The following SASH1 variants were observed in gnomAD, a reference collection of about 807,000 sequenced individuals.
SASH1 encodes the protein SAM and SH3 domain-containing protein 1.
In SASH1, 44 loss-of-function variants were observed where a neutral mutation model predicts 125.2. That is an observed-to-expected ratio of 0.35 (90% confidence interval 0.28 to 0.45). The LOEUF (loss-of-function observed/expected upper bound fraction) is 0.45. Among genes scored for constraint, SASH1 ranks in the 20% least tolerant of loss-of-function variants. The pLI is 1.00. For missense variants in SASH1, 1,426 were observed against 1,614.5 expected (o/e 0.88, Z 2.00); for synonymous variants, 639 against 649.1 (o/e 0.98, Z 0.24).
At chr6:148,275,030 G>A (rs1391724126) in intron 1 of SASH1, among the ~76,000 whole-genome samples, 1 of 152,104 alleles carries the variant, frequency 6.6e-6, no homozygotes, top group Non-Finnish European at 1.5e-5. Flanking sequence ...AGAACTCGTG[G>A]CTCTTCAGAA....
intron 19 of SASH1, among the ~76,000 whole-genome samples, chr6:148,546,389 C>T (rs1044185470): frequency 6.6e-6 from 1 of 152,160 alleles, no homozygotes; most frequent in Non-Finnish European, 1.5e-5. Flanking sequence ...CCGTCTAGTG[C>T]TGGGCGTGAT....
At chr6:148,501,303 C>T (rs1014295649) in intron 8 of SASH1, among the ~76,000 whole-genome samples, 5 of 152,180 alleles carry the variant, frequency 3.3e-5, no homozygotes, top group African/African-American at 9.7e-5. Context: ...AGTAATGTGA[C>T]TTTGCAAACA....
At chr6:148,423,737 CA>C (rs1304349248) in intron 2 of SASH1, among the ~76,000 whole-genome samples, 4 of 152,178 alleles carry the variant, frequency 2.6e-5, no homozygotes, top group Non-Finnish European at 5.9e-5. Context: ...CAGTACCCAG[CA>C]CGTCAACTGA....
At chr6:148,281,926 A>C (rs1165132826) in intron 1 of SASH1, among the ~76,000 whole-genome samples, 1 of 152,070 alleles carries the variant, frequency 6.6e-6, no homozygotes, top group Admixed American at 6.6e-5. Flanking sequence ...CGTCTCAAAA[A>C]AAAAAAAGGA....
chr6:148,287,492 A>G (rs1779512009), intron 1 of SASH1, among the ~76,000 whole-genome samples: 1 of 152,146 alleles, frequency 6.6e-6, no homozygotes, highest in South Asian at 2.1e-4. Context: ...CTCCCCGGTA[A>G]CATCCATCAG....
chr6:148,490,013 T>TAAAAAAAAAA (rs57304766), intron 8 of SASH1, among the ~76,000 whole-genome samples: 5 of 124,944 alleles, frequency 4.0e-5, no homozygotes, highest in Non-Finnish European at 8.2e-5. Flanking sequence ...ATCCTGTCTT[T>TAAAAAAAAAA]AAAAAAAAAA....
At chr6:148,421,205 GA>G (rs1332402528) in intron 2 of SASH1, among the ~76,000 whole-genome samples, 3 of 138,934 alleles carry the variant, frequency 2.2e-5, no homozygotes, top group Non-Finnish European at 4.9e-5. Flanking sequence ...AAGAAAGAAA[GA>G]AAGAAAGAAA....
At chr6:148,355,023 T>C (rs1781875333) in intron 1 of SASH1, among the ~76,000 whole-genome samples, 1 of 152,146 alleles carries the variant, frequency 6.6e-6, no homozygotes, top group Admixed American at 6.5e-5. Context: ...CCTCCCAAAG[T>C]GCTGGGATTA....
At chr6:148,407,050 TA>T (rs576933424) in intron 2 of SASH1, among the ~76,000 whole-genome samples, 4 of 152,128 alleles carry the variant, frequency 2.6e-5, no homozygotes, top group African/African-American at 9.7e-5. Context: ...TTTAGTTTTT[TA>T]AAAAAAATTA....
intron 12 of SASH1, among the ~76,000 whole-genome samples, chr6:148,531,302 G>A (rs1227732191): frequency 1.3e-5 from 2 of 151,902 alleles, no homozygotes; most frequent in Non-Finnish European, 2.9e-5. Flanking sequence ...ATATCTATTC[G>A]AGAATGAGAA....
At chr6:148,361,775 A>G (rs1018534833) in intron 1 of SASH1, among the ~76,000 whole-genome samples, 3 of 152,132 alleles carry the variant, frequency 2.0e-5, no homozygotes, top group African/African-American at 7.2e-5. Context: ...AACATTTATC[A>G]GGTATGGGTT....
At chr6:148,265,911 A>G in the SASH1 span, among the ~76,000 whole-genome samples, 3 of 152,048 alleles carry the variant, frequency 2.0e-5, no homozygotes, top group African/African-American at 7.2e-5. Context: ...TCCAGTCCCC[A>G]TATTAGAAGT....
chr6:148,483,601 T>G (rs1778720708), intron 7 of SASH1, among the ~76,000 whole-genome samples: 1 of 152,148 alleles, frequency 6.6e-6, no homozygotes, highest in African/African-American at 2.4e-5. Flanking sequence ...TGGGGAGCCC[T>G]GGAGGGTGAA....
At chr6:148,349,409 A>T (rs899772661) in intron 1 of SASH1, among the ~76,000 whole-genome samples, 1 of 151,346 alleles carries the variant, frequency 6.6e-6, no homozygotes, top group African/African-American at 2.4e-5. Flanking sequence ...GATTACAGGC[A>T]TCTGCCACCA....
At chr6:148,352,618 T>G (rs1781773216) in intron 1 of SASH1, among the ~76,000 whole-genome samples, 1 of 150,120 alleles carries the variant, frequency 6.7e-6, no homozygotes. Context: ...AATAAATAAA[T>G]AAATAAATAA....
chr6:148,298,450 C>T (rs571534042), intron 1 of SASH1, among the ~76,000 whole-genome samples: 3 of 152,058 alleles, frequency 2.0e-5, no homozygotes, highest in East Asian at 1.9e-4. Context: ...GGCAACATGG[C>T]GAGACCCTAT....
intron 7 of SASH1, among the ~76,000 whole-genome samples, chr6:148,481,021 T>C (rs991696321): frequency 6.6e-6 from 1 of 150,502 alleles, no homozygotes; most frequent in African/African-American, 2.4e-5. Context: ...TTAGTAAAAA[T>C]GTTGCTTAGG....
chr6:148,366,078 A>G (rs1008045491), intron 1 of SASH1, among the ~76,000 whole-genome samples: 1 of 151,870 alleles, frequency 6.6e-6, no homozygotes, highest in Non-Finnish European at 1.5e-5. Flanking sequence ...GCACCACTGC[A>G]CTCCAGCCTG....
the SASH1 span, among the ~76,000 whole-genome samples, chr6:148,234,566 C>T: frequency 6.6e-6 from 1 of 152,018 alleles, no homozygotes; most frequent in African/African-American, 2.4e-5. Context: ...TGGCTCACAC[C>T]TGTAATGCCA....
Sources: gnomAD v4.1 joint callset for allele counts (sites outside exome capture counted in the v4.1 genomes callset) on GRCh38, gnomAD v4.1.1 for gene constraint, MANE v1.5 for transcripts, NCBI Gene and HGNC (gene_info 2026-07-23, HGNC 2026-07-21) for gene names.